COBL: variants seen among roughly 807,000 people sequenced by gnomAD.
COBL encodes cordon-bleu WH2 repeat protein.
COBL carries 51 observed loss-of-function variants against 98.8 expected under a neutral mutation model. That is an observed-to-expected ratio of 0.52 (90% CI 0.41 to 0.65). The LOEUF (loss-of-function observed/expected upper bound fraction) is 0.65. Among genes scored for constraint, COBL ranks in the 30% least tolerant of loss-of-function variants. The pLI is 0.00. For missense variants in COBL, 1,617 were observed against 1,617.5 expected (o/e 1.00, Z 0.01); for synonymous variants, 634 against 651.7 (o/e 0.97, Z 0.41).
At chr7:51,272,229 G>A (rs373513210) in intron 1 of COBL, among the ~76,000 whole-genome samples, 3 of 152,182 alleles carry the variant, frequency 2.0e-5, no homozygotes, top group Non-Finnish European at 1.5e-5. Context: ...AGTTCCCTCC[G>A]CTCCCTGTTG....
intron 1 of COBL, chr7:51,259,529 G>C (rs1196679927): frequency 1.2e-5 from 8 of 678,334 alleles, no homozygotes. Flanking sequence ...TAGCAAGATG[G>C]GCCACTGAGA....
chr7:51,110,557 A>G (rs1409539629), intron 6 of COBL, among the ~76,000 whole-genome samples: 1 of 152,170 alleles, frequency 6.6e-6, no homozygotes. Flanking sequence ...TTATTTTTCA[A>G]TAAGTTATCG....
At chr7:51,071,255 A>C (rs1443382754) in intron 7 of COBL, 1 of 152,246 alleles carries the variant, frequency 6.6e-6, no homozygotes, top group Non-Finnish European at 1.5e-5. Flanking sequence ...GTCAGAAATG[A>C]GAAACTTTCT....
At chr7:51,218,354 A>G (rs1793293496) in intron 2 of COBL, among the ~76,000 whole-genome samples, 1 of 152,240 alleles carries the variant, frequency 6.6e-6, no homozygotes, top group African/African-American at 2.4e-5. Flanking sequence ...TTAAAATAAA[A>G]TGCTTACATC....
intron 1 of COBL, among the ~76,000 whole-genome samples, chr7:51,230,831 G>A (rs1705594201): frequency 6.6e-6 from 1 of 152,200 alleles, no homozygotes; most frequent in South Asian, 2.1e-4. Flanking sequence ...TTCTGCACGT[G>A]GGGCAGATCC....
chr7:51,177,232 C>G (rs150988337), intron 5 of COBL, among the ~76,000 whole-genome samples: 1 of 152,260 alleles, frequency 6.6e-6, no homozygotes, highest in Non-Finnish European at 1.5e-5. Flanking sequence ...TTCCCTGGCT[C>G]ACTTGTGCCT....
At chr7:51,145,991 C>T (rs1784996927) in intron 5 of COBL, among the ~76,000 whole-genome samples, 1 of 152,174 alleles carries the variant, frequency 6.6e-6, no homozygotes, top group South Asian at 2.1e-4. Flanking sequence ...ACCATCACAG[C>T]ACACTGCCCA....
At chr7:51,104,865 T>G in intron 6 of COBL, among the ~76,000 whole-genome samples, 1 of 152,156 alleles carries the variant, frequency 6.6e-6, no homozygotes, top group African/African-American at 2.4e-5. Context: ...CAAGGCATGA[T>G]AAATCTAAGT....
At chr7:51,287,692 T>C (rs576396756) in intron 1 of COBL, among the ~76,000 whole-genome samples, 44 of 152,344 alleles carry the variant, frequency 2.9e-4, no homozygotes, top group Non-Finnish European at 5.1e-4. Flanking sequence ...TGAATGTTTA[T>C]AGCAGCTCTA....
chr7:51,214,254 G>A (rs956769473), intron 2 of COBL, among the ~76,000 whole-genome samples: 2 of 150,616 alleles, frequency 1.3e-5, no homozygotes, highest in Non-Finnish European at 2.9e-5. Flanking sequence ...GGGCAACAGA[G>A]CAAGACTTCA....
intron 1 of COBL, among the ~76,000 whole-genome samples, chr7:51,272,871 A>G (rs534173694): frequency 6.6e-6 from 1 of 152,080 alleles, no homozygotes; most frequent in Non-Finnish European, 1.5e-5. Flanking sequence ...TCTGCAGGTA[A>G]AGACAACTTA....
chr7:51,291,374 A>T (rs1800874606), intron 1 of COBL, among the ~76,000 whole-genome samples: 1 of 152,220 alleles, frequency 6.6e-6, no homozygotes, highest in Non-Finnish European at 1.5e-5. Context: ...GTTACCTTGA[A>T]CACAATCTGG....
At position 51,199,782 on chromosome 7, in the gene COBL, A is replaced by G. The variant is rs1022047786; in HGVS notation, c.246-6193T>C. 3.5e-5 allele frequency among the ~76,000 whole-genome samples: 5 copies of G among 142,104 alleles called. No individual in the cohort carries two copies. In the East Asian group the frequency reaches 6.0e-4, roughly 17 times the overall value. 93.2% of individuals were successfully genotyped at this position (142,104 alleles called of 152,430 possible). A position where few individuals can be genotyped will look rare whatever the true frequency, so the allele number is the denominator to read the frequency against. On this transcript the variant is annotated intron_variant, in intron 2 of 12. Coordinates refer to ENST00000265136, the MANE Select transcript of COBL (RefSeq NM_015198.5). ...TCATTTGAAATTAACCAGTTAGAAG[A>G]AAAAAAAAAAAAGAAAAAGTGAAGA...
intron 6 of COBL, among the ~76,000 whole-genome samples, chr7:51,134,942 A>G (rs55980978): frequency 0.041 from 6,176 of 152,254 alleles, 188 homozygotes; most frequent in Non-Finnish European, 0.059. Flanking sequence ...ACATTAGGAT[A>G]TATGTATACA....
At chr7:51,207,682 T>C (rs1467593775) in intron 2 of COBL, among the ~76,000 whole-genome samples, 1 of 152,258 alleles carries the variant, frequency 6.6e-6, no homozygotes, top group Non-Finnish European at 1.5e-5. Flanking sequence ...TCCGCCAGCC[T>C]CGGCCTCCCG....
At chr7:51,191,969 C>T (rs1308578075) in intron 3 of COBL, among the ~76,000 whole-genome samples, 1 of 152,184 alleles carries the variant, frequency 6.6e-6, no homozygotes, top group Non-Finnish European at 1.5e-5. Flanking sequence ...AAAGACGGAA[C>T]CTACTGCTCC....
intron 1 of COBL, among the ~76,000 whole-genome samples, chr7:51,310,147 G>T (rs966925915): frequency 7.2e-5 from 11 of 152,206 alleles, no homozygotes; most frequent in African/African-American, 1.9e-4. Flanking sequence ...TTTAAAAGGT[G>T]AAAGACTCAG....
intron 1 of COBL, among the ~76,000 whole-genome samples, chr7:51,225,251 G>C (rs1327081971): frequency 1.3e-5 from 2 of 152,196 alleles, no homozygotes; most frequent in African/African-American, 4.8e-5. Context: ...GTTGTGAAAA[G>C]TCATTAGCTT....
intron 2 of COBL, among the ~76,000 whole-genome samples, chr7:51,194,754 GTCT>G (rs1243074958): frequency 1.3e-5 from 2 of 151,994 alleles, no homozygotes; most frequent in East Asian, 3.9e-4. Context: ...CCTCATGTGT[GTCT>G]TCTTTTGAAA....
Sources: allele counts gnomAD v4.1 joint callset (sites outside exome capture counted in the v4.1 genomes callset), GRCh38; gene constraint gnomAD v4.1.1; transcripts MANE v1.5; gene names NCBI Gene and HGNC (gene_info 2026-07-23, HGNC 2026-07-21).